Variants in RNF17 observed in about 807,000 individuals in gnomAD.
RNF17 encodes spermatogenesis associated 23.
A neutral mutation model predicts 200.5 loss-of-function variants in RNF17; 31 were observed. The ratio of observed to expected loss-of-function variants is 0.15; its 90% confidence interval spans 0.12 to 0.21. The LOEUF (loss-of-function observed/expected upper bound fraction) is 0.21, where lower values mean the gene tolerates loss of function less well. Ranked by LOEUF, RNF17 falls within the 10% of genes least tolerant of loss-of-function variation. The pLI is 1.00. For synonymous variants in RNF17, 606 were observed against 637.8 expected, an observed-to-expected ratio of 0.95 and a Z score of 0.75; for missense variants, 1,628 against 1,905.1, an observed-to-expected ratio of 0.85 and a Z score of 2.71.
At chr13:24,819,199 C>T (rs1029523681) in intron 15 of RNF17, among the ~76,000 whole-genome samples, 1 of 152,144 alleles carries the variant, frequency 6.6e-6, no homozygotes, top group Non-Finnish European at 1.5e-5. Context: ...TCCCTGCTTC[C>T]AACCTCTGGC....
chr13:24,876,164 G>T (rs1894832766), intron 33 of RNF17, among the ~76,000 whole-genome samples: 1 of 152,170 alleles, frequency 6.6e-6, no homozygotes, highest in Admixed American at 6.5e-5. Context: ...TTAAGGGATG[G>T]AATAAAGGGT....
chr13:24,853,659 A>C (rs1394601619), intron 24 of RNF17, among the ~76,000 whole-genome samples, 196 bp from the exon 25 acceptor site: 2 of 152,150 alleles, frequency 1.3e-5, no homozygotes, highest in African/African-American at 4.8e-5. Flanking sequence ...CATTTACTTA[A>C]ATTTTTATTG....
At chr13:24,747,878 G>T in the RNF17 span, among the ~76,000 whole-genome samples, 1 of 152,252 alleles carries the variant, frequency 6.6e-6, no homozygotes, top group African/African-American at 2.4e-5. Context: ...TGGCTAAAGC[G>T]GTTCCTGGTA....
At chr13:24,764,112 T>TA, upstream of RNF17, 1 of 1,251,522 alleles carries the variant, frequency 8.0e-7, no homozygotes, top group Non-Finnish European at 1.1e-6. Context: ...ACTGTTTGGC[T>TA]ATCTGCAGGG....
the RNF17 span, among the ~76,000 whole-genome samples, chr13:24,749,811 G>A: frequency 4.8e-4 from 73 of 152,294 alleles, no homozygotes; most frequent in Admixed American, 4.4e-3. Context: ...GTGCAGTGGT[G>A]CAATGTCGGC....
chr13:24,802,614 C>A, intron 14 of RNF17, 43 bp downstream of exon 14: 1 of 1,493,772 alleles, frequency 6.7e-7, no homozygotes, highest in Non-Finnish European at 9.1e-7. Context: ...GAGATTATAG[C>A]TATAAATGAG....
At chr13:24,755,937 TA>T in the RNF17 span, among the ~76,000 whole-genome samples, 2 of 152,210 alleles carry the variant, frequency 1.3e-5, no homozygotes, top group Non-Finnish European at 2.9e-5. Flanking sequence ...GTTAAAATAG[TA>T]TGTAAAGCAA....
Position 24,845,003 on chromosome 13 carries a change from G to A in RNF17, c.3025G>A (p.Asp1009Asn), listed in dbSNP as rs767194521. The A allele has an allele frequency of 6.2e-7, 1 of 1,607,272 alleles. No individual in the cohort carries two copies. The highest frequency in any genetic ancestry group is 2.2e-5 in the East Asian group (1 of 44,790). ...DVGVELVVNV[D>N]CLRKLEENLK... ...GGGTGTTGAACTAGTAGTGAATGTT[G>A]ACTGTTTAAGAAAACTTGAAGAAAA... Residue 1009 changes from aspartate (D) to asparagine (N), a missense_variant, in exon 22 of 36, where the codon GAC (aspartate) becomes AAC (asparagine). Transcript: ENST00000255324.
intron 31 of RNF17, 97 bp from the exon 32 acceptor site, chr13:24,870,474 C>A: frequency 1.0e-6 from 1 of 984,024 alleles, no homozygotes; most frequent in Non-Finnish European, 1.6e-6. Context: ...TCTCTGGGAG[C>A]ATCGCTGGAG....
At chr13:24,764,123 G>C, upstream of RNF17, 1 of 1,362,002 alleles carries the variant, frequency 7.3e-7, no homozygotes, top group Non-Finnish European at 1.0e-6. Flanking sequence ...ATCTGCAGGG[G>C]CTGGCCTCCA....
At chr13:24,864,415 C>T (rs1893414383) in intron 28 of RNF17, among the ~76,000 whole-genome samples, 1 of 152,126 alleles carries the variant, frequency 6.6e-6, no homozygotes. Context: ...CATTCAGCAC[C>T]CAATAACTGT....
At chr13:24,861,514 A>G (rs1893102771) in intron 27 of RNF17, 127 bp downstream of exon 27, 1 of 595,900 alleles carries the variant, frequency 1.7e-6, no homozygotes, top group Admixed American at 3.8e-5. Context: ...ACACCAACAA[A>G]TAAGTTACTA....
chr13:24,822,184 G>A (rs545796215), intron 15 of RNF17, among the ~76,000 whole-genome samples: 1 of 152,212 alleles, frequency 6.6e-6, no homozygotes, highest in Non-Finnish European at 1.5e-5. Context: ...CTTTCTACTT[G>A]ACTGGCACCA....
chr13:24,760,500 G>T (rs9507404), upstream of RNF17, among the ~76,000 whole-genome samples: 21,423 of 152,156 alleles, frequency 0.14, 1,545 homozygotes, highest in African/African-American at 0.16. Context: ...AGATTTAAAA[G>T]ACCTGAAACT....
At chr13:24,804,191 G>T (rs1444842203) in intron 14 of RNF17, 97 bp from the exon 15 acceptor site, 2 of 1,099,560 alleles carry the variant, frequency 1.8e-6, no homozygotes, top group Non-Finnish European at 2.7e-6. Context: ...GAGCCCAGAA[G>T]GGTAGAGGCT....
intron 24 of RNF17, among the ~76,000 whole-genome samples, chr13:24,853,325 G>A (rs183935614): frequency 4.6e-5 from 7 of 152,082 alleles, no homozygotes; most frequent in African/African-American, 1.7e-4. Context: ...TTTTTATACA[G>A]TAGGGATACC....
chr13:24,851,906 TAAA>T (rs1891935260), intron 24 of RNF17, among the ~76,000 whole-genome samples: 1 of 152,166 alleles, frequency 6.6e-6, no homozygotes, highest in South Asian at 2.1e-4. Flanking sequence ...TACTTAGACA[TAAA>T]TGTTTAGGCT....
At chr13:24,849,146 G>A (rs182712520) in intron 22 of RNF17, among the ~76,000 whole-genome samples, 1 of 152,260 alleles carries the variant, frequency 6.6e-6, no homozygotes, top group East Asian at 1.9e-4. Context: ...GCAACATAAT[G>A]AGGCCCTGTC....
chr13:24,776,870 A>G (rs2137526846), intron 3 of RNF17, among the ~76,000 whole-genome samples: 1 of 152,306 alleles, frequency 6.6e-6, no homozygotes, highest in South Asian at 2.1e-4. Flanking sequence ...CTTGTGTGTG[A>G]AATTTTCTGA....
Sources: allele counts gnomAD v4.1 joint callset (sites outside exome capture counted in the v4.1 genomes callset), GRCh38; gene constraint gnomAD v4.1.1; transcripts MANE v1.5; gene names NCBI Gene and HGNC (gene_info 2026-07-23, HGNC 2026-07-21).